DLGAP1: variants seen among roughly 807,000 people sequenced by gnomAD.
The protein encoded by DLGAP1 is DLG associated protein 1.
A neutral mutation model predicts 90.8 loss-of-function variants in DLGAP1; 11 were observed. That is an observed-to-expected ratio of 0.12 (90% CI 0.08 to 0.20). DLGAP1 has a LOEUF of 0.20. DLGAP1 is among the 10% of genes least tolerant of loss of function. The probability of loss-of-function intolerance (pLI) is 1.00; values close to 1 mark genes in which losing one functional copy is unlikely to be tolerated. For synonymous variants in DLGAP1, 558 were observed against 540.7 expected, an observed-to-expected ratio of 1.03 and a Z score of -0.44; for missense variants, 1,050 against 1,333.8, an observed-to-expected ratio of 0.79 and a Z score of 3.31.
intron 7 of DLGAP1, among the ~76,000 whole-genome samples, chr18:3,688,789 C>A (rs887477290): frequency 7.9e-5 from 12 of 152,122 alleles, no homozygotes; most frequent in African/African-American, 2.9e-4. Context: ...GGATTCTTTA[C>A]ACATTTGCAG....
chr18:4,356,757 G>C (rs1331593298), intron 1 of DLGAP1, among the ~76,000 whole-genome samples: 3 of 152,128 alleles, frequency 2.0e-5, no homozygotes, highest in Non-Finnish European at 2.9e-5. Context: ...TCACAAGTTA[G>C]AGCATGACAT....
At chr18:3,528,856 A>G (rs889113310) in intron 10 of DLGAP1, among the ~76,000 whole-genome samples, 3 of 152,108 alleles carry the variant, frequency 2.0e-5, no homozygotes, top group Admixed American at 1.3e-4. Flanking sequence ...GTGTCTCTCA[A>G]AGTATGAAAA....
At chr18:3,835,381 T>A (rs1383025633) in intron 4 of DLGAP1, among the ~76,000 whole-genome samples, 23 of 152,056 alleles carry the variant, frequency 1.5e-4, no homozygotes, top group Admixed American at 1.5e-3. Flanking sequence ...CCAGGCGTGG[T>A]GGCTCACGCC....
intron 2 of DLGAP1, among the ~76,000 whole-genome samples, chr18:4,045,598 G>A (rs930696126): frequency 6.6e-6 from 1 of 151,222 alleles, no homozygotes; most frequent in African/African-American, 2.4e-5. Context: ...CAAGACCCTG[G>A]TCTCAAACAA....
chr18:4,118,172 T>C (rs944538833), intron 2 of DLGAP1, among the ~76,000 whole-genome samples: 3 of 152,164 alleles, frequency 2.0e-5, no homozygotes, highest in Non-Finnish European at 4.4e-5. Context: ...CTTTTGACAA[T>C]GTCCTTAAGC....
intron 2 of DLGAP1, among the ~76,000 whole-genome samples, chr18:4,068,196 C>G (rs11873424): frequency 0.44 from 66,210 of 151,390 alleles, 15,547 homozygotes; most frequent in African/African-American, 0.61. Context: ...ATTGCCTCCT[C>G]AATGCAATAT....
intron 4 of DLGAP1, among the ~76,000 whole-genome samples, chr18:3,830,448 C>T (rs1192897702): frequency 6.6e-6 from 1 of 152,102 alleles, no homozygotes; most frequent in African/African-American, 2.4e-5. Context: ...GCCTGCAATC[C>T]CAGCTACTCG....
chr18:3,792,789 T>C (rs531792475), intron 5 of DLGAP1, among the ~76,000 whole-genome samples: 3 of 152,194 alleles, frequency 2.0e-5, no homozygotes, highest in Non-Finnish European at 4.4e-5. Flanking sequence ...GGCTTGTGCA[T>C]GTACCTTCCA....
chr18:3,741,830 GTTTTCT>G (rs891167024), intron 6 of DLGAP1, among the ~76,000 whole-genome samples: 20 of 141,568 alleles, frequency 1.4e-4, no homozygotes, highest in African/African-American at 4.1e-4. Flanking sequence ...AAAAGCCGAA[GTTTTCT>G]TTTTCTTTTT....
At chr18:3,849,514 C>T (rs755639139) in intron 4 of DLGAP1, among the ~76,000 whole-genome samples, 2 of 152,100 alleles carry the variant, frequency 1.3e-5, no homozygotes, top group Admixed American at 6.5e-5. Context: ...ATACCAATTC[C>T]GCATGCCCTA....
chr18:4,169,098 T>C (rs2076981885), intron 1 of DLGAP1, among the ~76,000 whole-genome samples: 1 of 152,230 alleles, frequency 6.6e-6, no homozygotes, highest in African/African-American at 2.4e-5. Context: ...GCAGTAATTC[T>C]ATGTGTAATT....
chr18:3,749,458 C>A (rs1309827599), intron 5 of DLGAP1, among the ~76,000 whole-genome samples: 2 of 152,028 alleles, frequency 1.3e-5, no homozygotes, highest in African/African-American at 4.8e-5. Flanking sequence ...CGGCCAACAT[C>A]TCCTTCTATT....
At chr18:4,298,356 TA>T (rs1037648688) in intron 1 of DLGAP1, among the ~76,000 whole-genome samples, 3 of 152,096 alleles carry the variant, frequency 2.0e-5, no homozygotes, top group African/African-American at 7.2e-5. Flanking sequence ...GTTTCTAAAT[TA>T]ACATCAGAAG....
At chr18:4,115,584 C>G (rs2076050468) in intron 2 of DLGAP1, among the ~76,000 whole-genome samples, 1 of 151,974 alleles carries the variant, frequency 6.6e-6, no homozygotes. Flanking sequence ...CTCCGGGGTT[C>G]ACGCCATCCT....
At chr18:4,075,572 T>G (rs2075510838) in intron 2 of DLGAP1, among the ~76,000 whole-genome samples, 1 of 152,216 alleles carries the variant, frequency 6.6e-6, no homozygotes, top group Non-Finnish European at 1.5e-5. Flanking sequence ...ACAGGTGCAC[T>G]GTGCCTAAAA....
At chr18:3,615,742 C>T (rs2057835107) in intron 7 of DLGAP1, among the ~76,000 whole-genome samples, 1 of 152,218 alleles carries the variant, frequency 6.6e-6, no homozygotes, top group Admixed American at 6.5e-5. Context: ...TTTCCCCCAA[C>T]TGGCTCCAGC....
intron 1 of DLGAP1, among the ~76,000 whole-genome samples, chr18:4,312,551 A>G (rs2080426760): frequency 6.6e-6 from 1 of 152,134 alleles, no homozygotes; most frequent in African/African-American, 2.4e-5. Context: ...TTTTTGACTG[A>G]TATTTTTGAC....
intron 7 of DLGAP1, chr18:3,597,566 A>T (rs2056653907): frequency 3.7e-6 from 1 of 270,772 alleles, no homozygotes; most frequent in African/African-American, 2.3e-5. Context: ...GCGTGGATTC[A>T]TCAGTAACCT....
chr18:4,041,640 A>T (rs1270080108), intron 2 of DLGAP1, among the ~76,000 whole-genome samples: 1 of 152,168 alleles, frequency 6.6e-6, no homozygotes, highest in Non-Finnish European at 1.5e-5. Flanking sequence ...TTCCACTCAT[A>T]CAACTTTCCT....
Sources: gnomAD v4.1 joint callset for allele counts (sites outside exome capture counted in the v4.1 genomes callset) on GRCh38, gnomAD v4.1.1 for gene constraint, MANE v1.5 for transcripts, NCBI Gene and HGNC (gene_info 2026-07-23, HGNC 2026-07-21) for gene names.